SETD7: variants seen among roughly 807,000 people sequenced by gnomAD.
The protein encoded by SETD7 is histone-lysine N-methyltransferase SETD7.
In SETD7, 16 loss-of-function variants were observed where a neutral mutation model predicts 41.8. That is an observed-to-expected ratio of 0.38 (90% CI 0.26 to 0.58). The LOEUF is 0.58. SETD7 is among the 20% of genes least tolerant of loss of function. The pLI, the probability that SETD7 is intolerant of heterozygous loss-of-function variation, is 0.64. For synonymous variants in SETD7, 163 were observed against 169.7 expected, an observed-to-expected ratio of 0.96 and a Z score of 0.31; for missense variants, 346 against 459.7, an observed-to-expected ratio of 0.75 and a Z score of 2.26.
chr4:139,538,308 A>G (rs1727694998), intron 2 of SETD7, among the ~76,000 whole-genome samples: 1 of 152,304 alleles, frequency 6.6e-6, no homozygotes, highest in South Asian at 2.1e-4. Context: ...CTCTTCCCCA[A>G]TTTCACATAC....
chr4:139,494,155 C>T (rs531342449), downstream of SETD7, among the ~76,000 whole-genome samples: 2 of 152,140 alleles, frequency 1.3e-5, no homozygotes, highest in East Asian at 1.9e-4. Context: ...CTGAAACAAG[C>T]CTGTGAAATA....
intron 7 of SETD7, among the ~76,000 whole-genome samples, chr4:139,517,650 T>A (rs1727065333): frequency 6.6e-6 from 1 of 152,196 alleles, no homozygotes; most frequent in Non-Finnish European, 1.5e-5. Context: ...GTATACTATT[T>A]CCATACCATT....
At position 139,509,868 on chromosome 4, in the gene SETD7, T is replaced by C. The variant is rs376025902; in HGVS notation, c.*1795A>G. 2.0e-6 allele frequency: 2 copies of C among 985,288 alleles called. No homozygotes were observed. Among genetic ancestry groups the C allele is most frequent in the African/African-American group, 1.7e-5 (1 of 57,216 alleles). The allele number at this position is 985,288 out of a possible 1,614,324, so 61.0% of individuals were successfully genotyped here. Reference sequence around the variant, plus strand: ...ACAACTTCCTCTCATGGGTGAACCATTGGCTTAAGCTTTCAAGCAGGGATC... The same window carrying C: ...ACAACTTCCTCTCATGGGTGAACCACTGGCTTAAGCTTTCAAGCAGGGATC... On this transcript the variant is annotated 3_prime_UTR_variant, in exon 8 of 8. Coordinates refer to ENST00000274031, the MANE Select transcript of SETD7 (RefSeq NM_030648.4).
intron 7 of SETD7, among the ~76,000 whole-genome samples, chr4:139,498,676 C>T (rs1324766640): frequency 6.6e-6 from 1 of 152,186 alleles, no homozygotes; most frequent in Non-Finnish European, 1.5e-5. Context: ...TGACTTTCTC[C>T]TGCCCTTCTG....
intron 2 of SETD7, among the ~76,000 whole-genome samples, chr4:139,538,961 A>C (rs913303990): frequency 2.0e-5 from 3 of 152,244 alleles, no homozygotes; most frequent in African/African-American, 7.2e-5. Flanking sequence ...AAATCAGTTA[A>C]GAAATCTAAC....
intron 2 of SETD7, among the ~76,000 whole-genome samples, chr4:139,534,099 A>G (rs570894553): frequency 4.6e-5 from 7 of 152,118 alleles, no homozygotes; most frequent in Non-Finnish European, 8.8e-5. Context: ...TTTGAGACCC[A>G]CGGTCCTATA....
Position 139,555,435 on chromosome 4 carries a change from G to T in SETD7, c.40+663C>A, listed in dbSNP as rs1409060130. On this transcript the variant is annotated intron_variant, in intron 1 of 7. Transcript: ENST00000274031. The surrounding 1 kb of genome is among the most constrained non-coding windows in gnomAD (Gnocchi z 4.0). ...GGGAGGGGGAGGCCTGACTGAGTTC[G>T]CTCGGGGGCAGCTGAGGGGAGGGCT... Among the ~76,000 whole-genome samples the T allele has an allele frequency of 6.6e-6, 1 of 152,150 alleles. No individual in the cohort carries two copies. The highest frequency in any genetic ancestry group is 2.1e-4 in the South Asian group (1 of 4,824).
chr4:139,534,394 AT>A lies in SETD7; in HGVS notation c.171-1029del, dbSNP rs907437138. On this transcript the variant is annotated intron_variant, in intron 2 of 7. Coordinates refer to ENST00000274031, the MANE Select transcript of SETD7 (RefSeq NM_030648.4). ...TATTTATTCATTAATTCAACTAGTA[AT>A]TTTTTTTTTCGAGAGAGGATCTTGC... Among the ~76,000 whole-genome samples the A allele has an allele frequency of 6.4e-4, 97 of 150,632 alleles. 1 individual carries two copies. Among genetic ancestry groups the A allele is most frequent in the African/African-American group, 2.0e-3 (82 of 41,066 alleles).
chr4:139,547,015 G>A lies in SETD7; in HGVS notation c.75C>T (p.Phe25=). The A allele has an allele frequency of 1.9e-6, 3 of 1,614,172 alleles. No individual in the cohort carries two copies. Among genetic ancestry groups the A allele is most frequent in the Non-Finnish European group, 2.5e-6 (3 of 1,180,034 alleles). Residue 25 remains phenylalanine, a synonymous_variant, in exon 2 of 8, where the codon TTC becomes TTT. Transcript: ENST00000274031. ...CTGTGGAGGAGTAGGTGACTGTGCA[G>A]AACCCGTGCGGTAATCCGTCATCGT... The part of the protein sequence containing the change: ...HLDDDGLPHG[F]CTVTYSSTDR...
At chr4:139,511,906 G>T in intron 7 of SETD7, 63 bp from the exon 8 acceptor site, 1 of 1,545,304 alleles carries the variant, frequency 6.5e-7, no homozygotes, top group Non-Finnish European at 8.7e-7. Context: ...GCAAAGGCTA[G>T]GGAGGGGCTG....
At chr4:139,521,693 G>A (rs977507272) in intron 5 of SETD7, among the ~76,000 whole-genome samples, 4 of 152,152 alleles carry the variant, frequency 2.6e-5, no homozygotes, top group African/African-American at 9.7e-5. Context: ...CTGACTTCTC[G>A]TTTGGCCATC....
downstream of SETD7, among the ~76,000 whole-genome samples, chr4:139,495,329 C>G (rs1349399113): frequency 6.6e-6 from 1 of 152,170 alleles, no homozygotes; most frequent in Non-Finnish European, 1.5e-5. Flanking sequence ...CATTCATTAC[C>G]TTGGAAAATT....
chr4:139,516,062 T>C (rs1215242500), intron 7 of SETD7, among the ~76,000 whole-genome samples: 1 of 152,096 alleles, frequency 6.6e-6, no homozygotes, highest in Non-Finnish European at 1.5e-5. Context: ...ACTAAAGTGT[T>C]TGTAGGGCTA....
At chr4:139,544,697 A>G (rs1193996030) in intron 2 of SETD7, among the ~76,000 whole-genome samples, 2 of 152,126 alleles carry the variant, frequency 1.3e-5, no homozygotes, top group African/African-American at 4.8e-5. Flanking sequence ...CAGCCCCATA[A>G]AGCAAGCAGG....
chr4:139,495,032 A>C (rs1301665251), downstream of SETD7, among the ~76,000 whole-genome samples: 1 of 152,236 alleles, frequency 6.6e-6, no homozygotes, highest in Non-Finnish European at 1.5e-5. Flanking sequence ...AGCAGTAAGT[A>C]TTTAAAATGG....
chr4:139,538,374 G>T (rs1285082944), intron 2 of SETD7, among the ~76,000 whole-genome samples: 1 of 152,078 alleles, frequency 6.6e-6, no homozygotes, highest in South Asian at 2.1e-4. Context: ...CTGTCGCCTA[G>T]GCTGGAATAC....
At chr4:139,545,765 A>T (rs1727924217) in intron 2 of SETD7, among the ~76,000 whole-genome samples, 1 of 152,178 alleles carries the variant, frequency 6.6e-6, no homozygotes, top group African/African-American at 2.4e-5. Context: ...TTCAGTTGTC[A>T]GCTTAGACAT....
At chr4:139,513,585 A>G (rs1432591928) in intron 7 of SETD7, among the ~76,000 whole-genome samples, 1 of 152,158 alleles carries the variant, frequency 6.6e-6, no homozygotes, top group Non-Finnish European at 1.5e-5. Context: ...AGGGGCCTCT[A>G]TGTCCACCCT....
chr4:139,544,842 G>C (rs1727893479), intron 2 of SETD7, among the ~76,000 whole-genome samples: 1 of 144,848 alleles, frequency 6.9e-6, no homozygotes. Context: ...GTGTGTGGAG[G>C]GGGAGGCGGA....
Sources: allele counts gnomAD v4.1 joint callset (sites outside exome capture counted in the v4.1 genomes callset), GRCh38; gene constraint gnomAD v4.1.1; non-coding constraint Gnocchi (gnomAD v3.1); transcripts MANE v1.5; gene names NCBI Gene and HGNC (gene_info 2026-07-23, HGNC 2026-07-21).